The following ARHGEF10L variants were observed in gnomAD, a reference collection of about 807,000 sequenced individuals.
The protein encoded by ARHGEF10L is rho guanine nucleotide exchange factor 10-like protein.
In ARHGEF10L, 69 loss-of-function variants were observed where a neutral mutation model predicts 141.2. The ratio of observed to expected loss-of-function variants is 0.49; its 90% confidence interval spans 0.40 to 0.60. The LOEUF is 0.60. Among genes scored for constraint, ARHGEF10L ranks in the 20% least tolerant of loss-of-function variants. ARHGEF10L has a pLI of 0.00. For missense variants in ARHGEF10L, 1,482 were observed against 1,734.3 expected (o/e 0.85, Z 2.58); for synonymous variants, 711 against 718.5 (o/e 0.99, Z 0.17).
chr1:17,528,998 T>C, the ARHGEF10L span, among the ~76,000 whole-genome samples: 1 of 152,014 alleles, frequency 6.6e-6, no homozygotes, highest in African/African-American at 2.4e-5. Context: ...ATGATTAAGA[T>C]CATTTTGTTT....
At position 17,556,794 on chromosome 1, in the gene ARHGEF10L, G is replaced by A. The variant is rs541485013; in HGVS notation, c.-44+16844G>A. ...CATCTGCATTTAAAAGAAGCCTCCC[G>A]TTCACTCAGGTGACTCTGAAGTCAG... is the stretch of plus-strand genomic sequence containing the variant. On this transcript the variant is annotated intron_variant, in intron 1 of 28. Coordinates refer to ENST00000361221, the MANE Select transcript of ARHGEF10L (RefSeq NM_018125.4). 1.4e-4 allele frequency among the ~76,000 whole-genome samples: 21 copies of A among 152,264 alleles called. No individual in the cohort carries two copies. The East Asian group carries it at 2.1e-3, about 15-fold the overall frequency.
chr1:17,613,790 T>C (rs2059664195), intron 8 of ARHGEF10L, among the ~76,000 whole-genome samples: 1 of 152,214 alleles, frequency 6.6e-6, no homozygotes, highest in African/African-American at 2.4e-5. Flanking sequence ...ACTTTCGAGG[T>C]CTGTGGGCCT....
intron 26 of ARHGEF10L, among the ~76,000 whole-genome samples, chr1:17,674,354 A>G (rs2063508283): frequency 6.6e-6 from 1 of 152,066 alleles, no homozygotes. Flanking sequence ...CTGGGGAGAG[A>G]AGCGAGCTTC....
Position 17,621,854 on chromosome 1 carries a change from G to T in ARHGEF10L, c.943-10G>T, listed in dbSNP as rs535441309. The stretch of plus-strand genomic sequence containing the variant: ...TCATGTGCGCTGACCGTGCTTTTTG[G>T]CCCGAGCAGGTGGTCCGGAGGCATA... On this transcript the variant is annotated splice_polypyrimidine_tract_variant and intron_variant, in intron 10 of 28. Transcript: ENST00000361221. This position sits in a 1 kb window ranked among gnomAD's most constrained non-coding sequence, Gnocchi z 4.1. 3.7e-6 allele frequency: 6 copies of T among 1,614,064 alleles called. No individual in the cohort carries two copies. The South Asian group carries it at 5.5e-5, about 15-fold the overall frequency.
intron 5 of ARHGEF10L, among the ~76,000 whole-genome samples, chr1:17,602,736 C>T (rs1266874332): frequency 6.6e-6 from 1 of 152,136 alleles, no homozygotes; most frequent in Non-Finnish European, 1.5e-5. Flanking sequence ...TGCAGCTCCT[C>T]AGGGCCCCAG....
In ARHGEF10L at chr1:17,656,962, G is replaced by T. The variant is rs74061912; in HGVS notation, c.2860+254G>T. ...TGACAGGAGACTGTAGTGGATAAGA[G>T]AGGTACTCGCAGGTTGGAGAGACCT... On this transcript the variant is annotated intron_variant, in intron 25 of 28. Coordinates refer to ENST00000361221, the MANE Select transcript of ARHGEF10L (RefSeq NM_018125.4). The surrounding 1 kb of genome is among the most constrained non-coding windows in gnomAD (Gnocchi z 4.9). Among the ~76,000 whole-genome samples, 3,092 of 152,288 alleles carry T rather than the reference G, an allele frequency of 0.02. 109 individuals are homozygous for T. Among genetic ancestry groups the T allele is most frequent in the African/African-American group, 0.07 (2,902 of 41,566 alleles).
At chr1:17,596,710 C>T (rs541528842) in intron 4 of ARHGEF10L, among the ~76,000 whole-genome samples, 2 of 152,220 alleles carry the variant, frequency 1.3e-5, no homozygotes, top group South Asian at 2.1e-4. Flanking sequence ...GCAGGGGTGG[C>T]GGGTGCCATT....
At chr1:17,658,272 G>A (rs951873571) in intron 25 of ARHGEF10L, among the ~76,000 whole-genome samples, 10 of 152,204 alleles carry the variant, frequency 6.6e-5, no homozygotes, top group African/African-American at 2.4e-4. Flanking sequence ...GTCATATTCT[G>A]AGGTACTGGG....
At chr1:17,690,396 T>A (rs1407922031) in intron 27 of ARHGEF10L, among the ~76,000 whole-genome samples, 3 of 152,300 alleles carry the variant, frequency 2.0e-5, no homozygotes, top group South Asian at 4.1e-4. Flanking sequence ...GTGAGGACAG[T>A]GCCCACAGTC....
At chr1:17,664,409 C>T (rs1347879476) in intron 25 of ARHGEF10L, 38 bp from the exon 26 acceptor site, 3 of 1,589,910 alleles carry the variant, frequency 1.9e-6, no homozygotes, top group African/African-American at 1.3e-5. Flanking sequence ...CTGCTTGCCG[C>T]TCCTGGCCCC....
intron 1 of ARHGEF10L, among the ~76,000 whole-genome samples, chr1:17,546,249 C>G (rs1036828512): frequency 2.0e-5 from 3 of 152,154 alleles, no homozygotes; most frequent in Non-Finnish European, 4.4e-5. Context: ...AAAAAAAATC[C>G]ATGTTAATAT....
At chr1:17,653,589 G>T (rs1179553150) in intron 22 of ARHGEF10L, among the ~76,000 whole-genome samples, 9 of 152,240 alleles carry the variant, frequency 5.9e-5, no homozygotes, top group African/African-American at 2.2e-4. Flanking sequence ...GAGCCCAGAG[G>T]CCGGGCTTAG....
In ARHGEF10L at chr1:17,697,246, T is replaced by C; in HGVS notation, c.3706T>C (p.Cys1236Arg). The change falls in exon 29 of 29, where the codon TGC becomes CGC. Residue 1236 changes from cysteine to arginine, a missense_variant. By Grantham distance (180) the Cys-to-Arg change is radical. Coordinates refer to ENST00000361221, the MANE Select transcript of ARHGEF10L (RefSeq NM_018125.4). The surrounding 1 kb of genome is among the most constrained non-coding windows in gnomAD (Gnocchi z 4.8). ...CARDAHRKEI[C>R]SVAIISGGQG... is the part of the protein sequence containing the mutation. ...CCGCGACGCCCACCGCAAGGAGATT[T>C]GCTCTGTGGCCATCATCTCCGGCGG... 6.2e-7 allele frequency: 1 copy of C among 1,612,594 alleles called. No individual in the cohort carries two copies. The highest frequency in any genetic ancestry group is 1.3e-5 in the African/African-American group (1 of 75,046).
chr1:17,674,311 G>T (rs2063506067), intron 26 of ARHGEF10L, among the ~76,000 whole-genome samples: 1 of 152,180 alleles, frequency 6.6e-6, no homozygotes, highest in African/African-American at 2.4e-5. Context: ...CTGACCACAG[G>T]TGAAGACCGG....
rs3753376 is a variant in ARHGEF10L at position 17,625,462 on chromosome 1, T to G, written c.1318-494T>G. On this transcript the variant is annotated intron_variant, in intron 13 of 28. Transcript: ENST00000361221. The surrounding 1 kb of genome is among the most constrained non-coding windows in gnomAD (Gnocchi z 4.5). ...GCCATTGAAGGATTTTGAGCTAGGG[T>G]AGATGGAAGTGGAGGCAGGTGGAGA... 5.9e-5 allele frequency among the ~76,000 whole-genome samples: 9 copies of G among 151,870 alleles called. No individual in the cohort carries two copies. The East Asian group carries it at 1.7e-3, about 30-fold the overall frequency.
chr1:17,631,099 G>C (rs1312921519), intron 15 of ARHGEF10L, among the ~76,000 whole-genome samples: 1 of 149,510 alleles, frequency 6.7e-6, no homozygotes, highest in Non-Finnish European at 1.5e-5. Flanking sequence ...GGGGTGATCT[G>C]TCTTTTTCTC....
At position 17,603,066 on chromosome 1, in the gene ARHGEF10L, C is replaced by T. The variant is rs1182581278; in HGVS notation, c.350-442C>T. ...GTCTCGTGACTTCTTCCTGGAAGGC[C>T]TGTGGGTCAAGGACCGGCTCCCATC... On this transcript the variant is annotated intron_variant, in intron 5 of 28. Coordinates refer to ENST00000361221, the MANE Select transcript of ARHGEF10L (RefSeq NM_018125.4). This position sits in a 1 kb window ranked among gnomAD's most constrained non-coding sequence, Gnocchi z 4.8. 6.6e-6 allele frequency among the ~76,000 whole-genome samples: 1 copy of T among 151,612 alleles called. No homozygotes were observed. Among genetic ancestry groups the T allele is most frequent in the Non-Finnish European group, 1.5e-5 (1 of 67,908 alleles).
chr1:17,608,821 T>G (rs986573372), intron 7 of ARHGEF10L, among the ~76,000 whole-genome samples: 1 of 152,104 alleles, frequency 6.6e-6, no homozygotes, highest in South Asian at 2.1e-4. Flanking sequence ...GTCTCACTCT[T>G]TCGCCCAGGC....
chr1:17,624,549 G>C (rs758541085), intron 13 of ARHGEF10L, 46 bp downstream of exon 13: 8 of 1,508,566 alleles, frequency 5.3e-6, no homozygotes, highest in Non-Finnish European at 7.4e-6. Flanking sequence ...TGGGCAGGGA[G>C]ATTGCTCAGG....
Sources: allele counts gnomAD v4.1 joint callset (sites outside exome capture counted in the v4.1 genomes callset), GRCh38; gene constraint gnomAD v4.1.1; non-coding constraint Gnocchi (gnomAD v3.1); transcripts MANE v1.5; gene names NCBI Gene and HGNC (gene_info 2026-07-23, HGNC 2026-07-21).